The following SYT14 variants were observed in gnomAD, a reference collection of about 807,000 sequenced individuals.
The protein encoded by SYT14 is synaptotagmin-14.
Under a neutral mutation model 74.2 loss-of-function variants are expected in SYT14, and 32 were observed. The ratio of observed to expected loss-of-function variants is 0.43; its 90% CI spans 0.33 to 0.58. The LOEUF (loss-of-function observed/expected upper bound fraction) is 0.58, where lower values mean the gene tolerates loss of function less well. Ranked by LOEUF, SYT14 falls within the 20% of genes least tolerant of loss-of-function variation. The probability of loss-of-function intolerance (pLI) is 0.05; values close to 1 mark genes in which losing one functional copy is unlikely to be tolerated. For synonymous variants in SYT14, 298 were observed against 337.7 expected, an observed-to-expected ratio of 0.88 and a Z score of 1.29; for missense variants, 791 against 981.8, an observed-to-expected ratio of 0.81 and a Z score of 2.60.
chr1:210,006,088 G>A (rs536416490), intron 2 of SYT14, among the ~76,000 whole-genome samples: 1 of 151,860 alleles, frequency 6.6e-6, no homozygotes, highest in South Asian at 2.1e-4. Context: ...TAAGATCTTA[G>A]TGTTTCACAT....
chr1:210,162,078 C>T (rs1411612622), exon 10 of SYT14: 5 of 438,944 alleles, frequency 1.1e-5, no homozygotes, highest in Non-Finnish European at 2.3e-5. Context: ...ACTCTTACTT[C>T]AATTTATATT....
intron 5 of SYT14, among the ~76,000 whole-genome samples, chr1:210,052,848 C>T (rs2081027957): frequency 6.6e-6 from 1 of 151,458 alleles, no homozygotes; most frequent in African/African-American, 2.4e-5. Flanking sequence ...TTCCATATAC[C>T]CATTATAAGC....
At chr1:210,076,361 A>G (rs1398910706) in intron 5 of SYT14, among the ~76,000 whole-genome samples, 2 of 152,200 alleles carry the variant, frequency 1.3e-5, no homozygotes, top group Non-Finnish European at 2.9e-5. Flanking sequence ...GAGTTTTACA[A>G]CCATCACAAT....
rs1487828436 is a variant in SYT14 at position 210,027,822 on chromosome 1, A to G, written c.1312+6568A>G. On this transcript the variant is annotated intron_variant, in intron 5 of 9. Transcript: ENST00000637265. ...GGAGATCTTTTTATGTGATGGGATT[A>G]ATTCCTCCCAATAGTGTAGAATTTT... is the stretch of plus-strand genomic sequence containing the variant. Among the ~76,000 whole-genome samples, 3 of 152,148 alleles carry G rather than the reference A, an allele frequency of 2.0e-5. No homozygotes were observed. In the East Asian group the frequency reaches 5.8e-4, roughly 29 times the overall value.
chr1:209,994,655 A>G (rs919860501), intron 2 of SYT14, among the ~76,000 whole-genome samples: 16 of 152,266 alleles, frequency 1.1e-4, no homozygotes, highest in African/African-American at 3.9e-4. Context: ...GCTAGATACT[A>G]TAGACAGGAA....
intron 5 of SYT14, among the ~76,000 whole-genome samples, chr1:210,073,512 T>G (rs988686859): frequency 2.6e-5 from 4 of 152,064 alleles, no homozygotes; most frequent in Admixed American, 6.5e-5. Flanking sequence ...TGAAACTTCC[T>G]TATTGTTTTA....
chr1:209,975,229 G>A (rs2079337073), intron 2 of SYT14, among the ~76,000 whole-genome samples: 2 of 152,050 alleles, frequency 1.3e-5, no homozygotes, highest in African/African-American at 4.8e-5. Flanking sequence ...GATTGCCCTG[G>A]CCAGAACTTC....
intron 5 of SYT14, among the ~76,000 whole-genome samples, chr1:210,079,042 T>G (rs770931969): frequency 2.3e-4 from 35 of 152,118 alleles, no homozygotes; most frequent in Non-Finnish European, 4.4e-4. Context: ...TGTGAGCCTC[T>G]GCGCCCAGCA....
At chr1:210,136,338 CAGTGATTTTAGG>C (rs2082785892) in intron 7 of SYT14, among the ~76,000 whole-genome samples, 1 of 151,776 alleles carries the variant, frequency 6.6e-6, no homozygotes, top group South Asian at 2.1e-4. Flanking sequence ...GGAACGGGGT[CAGTGATTTTAGG>C]AGAATGGAAC....
chr1:210,134,435 A>G (rs1162035330), intron 7 of SYT14, among the ~76,000 whole-genome samples: 3 of 151,668 alleles, frequency 2.0e-5, no homozygotes, highest in Non-Finnish European at 2.9e-5. Context: ...ACTATGCATT[A>G]CTCTTATTTA....
chr1:209,952,913 A>C, intron 2 of SYT14, 157 bp downstream of exon 2: 3 of 1,049,380 alleles, frequency 2.9e-6, no homozygotes, highest in Non-Finnish European at 4.2e-6. Flanking sequence ...AGTAAAGTGC[A>C]TATTACTTAT....
At chr1:210,017,225 CT>C in intron 4 of SYT14, 1 of 601,020 alleles carries the variant, frequency 1.7e-6, no homozygotes, top group Non-Finnish European at 2.4e-6. Context: ...TTCTTGAATC[CT>C]TTTACTGGGA....
intron 2 of SYT14, among the ~76,000 whole-genome samples, chr1:210,003,028 G>A (rs181237251): frequency 3.8e-4 from 58 of 152,226 alleles, no homozygotes; most frequent in Admixed American, 8.5e-4. Flanking sequence ...GGATCATGAA[G>A]AAAAGTATTT....
chr1:210,083,374 C>A (rs1454031685), intron 5 of SYT14, among the ~76,000 whole-genome samples: 2 of 152,076 alleles, frequency 1.3e-5, no homozygotes, highest in African/African-American at 2.4e-5. Context: ...ATGATCTGAA[C>A]TTTTTTTTCT....
exon 4 of SYT14, chr1:210,015,846 G>T: frequency 2.4e-5 from 28 of 1,152,964 alleles, no homozygotes; most frequent in African/African-American, 4.8e-5. Context: ...AATGCATAAT[G>T]TATTTACAGA....
chr1:210,094,102 AT>A (rs1291738811), intron 5 of SYT14, among the ~76,000 whole-genome samples: 1 of 151,938 alleles, frequency 6.6e-6, no homozygotes, highest in Non-Finnish European at 1.5e-5. Flanking sequence ...TATGACTTTT[AT>A]TTTTCCTAAT....
chr1:210,026,447 C>A (rs965658750), intron 5 of SYT14, among the ~76,000 whole-genome samples: 3 of 151,928 alleles, frequency 2.0e-5, no homozygotes, highest in African/African-American at 7.2e-5. Flanking sequence ...TTATTGATAG[C>A]TTTTTATTAT....
At chr1:209,961,494 G>A (rs1052993801) in intron 2 of SYT14, among the ~76,000 whole-genome samples, 1 of 152,106 alleles carries the variant, frequency 6.6e-6, no homozygotes, top group African/African-American at 2.4e-5. Context: ...CATCCAGGCT[G>A]GGTAACTAAA....
chr1:210,128,149 G>A (rs773623458), intron 7 of SYT14, among the ~76,000 whole-genome samples: 4 of 152,150 alleles, frequency 2.6e-5, no homozygotes, highest in South Asian at 2.1e-4. Flanking sequence ...GAGGCAGGAC[G>A]ATCGCTTGAG....
Sources: gnomAD v4.1 joint callset for allele counts (sites outside exome capture counted in the v4.1 genomes callset) on GRCh38, gnomAD v4.1.1 for gene constraint, MANE v1.5 for transcripts, NCBI Gene and HGNC (gene_info 2026-07-23, HGNC 2026-07-21) for gene names.